VWA8: variants seen among roughly 807,000 people sequenced by gnomAD.
VWA8 encodes the protein von Willebrand factor A domain-containing protein 8.
VWA8 carries 221 observed loss-of-function variants against 241.5 expected under a neutral mutation model. That is an observed-to-expected ratio of 0.91 (90% CI 0.82 to 1.02). VWA8 has a LOEUF of 1.02. Ranked by LOEUF, VWA8 falls within the 50% of genes least tolerant of loss-of-function variation. The probability of loss-of-function intolerance (pLI) is 0.00; values close to 1 mark genes in which losing one functional copy is unlikely to be tolerated. For missense variants in VWA8, 2,322 were observed against 2,328.7 expected, an observed-to-expected ratio of 1.00 and a Z score of 0.06; for synonymous variants, 852 against 827.1, an observed-to-expected ratio of 1.03 and a Z score of -0.52.
chr13:41,862,357 G>A (rs1417490883), intron 12 of VWA8, among the ~76,000 whole-genome samples: 1 of 152,110 alleles, frequency 6.6e-6, no homozygotes, highest in Non-Finnish European at 1.5e-5. Flanking sequence ...AGAAAACCTA[G>A]GACATACTGT....
intron 20 of VWA8, among the ~76,000 whole-genome samples, chr13:41,769,501 A>G (rs2045803646): frequency 1.3e-5 from 2 of 152,212 alleles, no homozygotes; most frequent in African/African-American, 4.8e-5. Context: ...AATATATAAA[A>G]AATTTCCCAT....
intron 12 of VWA8, among the ~76,000 whole-genome samples, chr13:41,863,544 A>G (rs1237272797): frequency 1.3e-5 from 2 of 150,898 alleles, no homozygotes; most frequent in Admixed American, 1.3e-4. Context: ...CAAACACTAC[A>G]CACAACAGCA....
At position 41,721,519 on chromosome 13, in the gene VWA8, T is replaced by A. The variant is rs1450467793; in HGVS notation, c.2815A>T (p.Met939Leu). 5 of 1,613,814 alleles carry A rather than the reference T, an allele frequency of 3.1e-6. No homozygotes were observed. Among genetic ancestry groups the A allele is most frequent in the Non-Finnish European group, 3.4e-6 (4 of 1,179,814 alleles). The change falls in exon 25 of 45, where the codon ATG becomes TTG. Residue 939 changes from methionine (M) to leucine (L), a missense_variant. By Grantham distance (15) the Met-to-Leu change is conservative. Transcript: ENST00000379310. ...ACATTTGGTCCATACTGTCTGAGCA[T>A]CTCGAGCTCCGAGTGGGGTTTGGGG... ...DNPKPHSELE[M>L]LRQYGPNVPE...
chr13:41,906,851 T>C (rs1875744711), intron 4 of VWA8, among the ~76,000 whole-genome samples: 1 of 152,198 alleles, frequency 6.6e-6, no homozygotes, highest in African/African-American at 2.4e-5. Context: ...TCATTAATAC[T>C]GGACATTAGC....
At chr13:41,784,432 G>A (rs1869042282) in intron 18 of VWA8, among the ~76,000 whole-genome samples, 1 of 151,804 alleles carries the variant, frequency 6.6e-6, no homozygotes, top group Admixed American at 6.6e-5. Context: ...GGAGGCCAAG[G>A]CAGAAGGATC....
chr13:41,882,148 C>T (rs1440118536), intron 9 of VWA8, among the ~76,000 whole-genome samples: 5 of 149,986 alleles, frequency 3.3e-5, no homozygotes, highest in Non-Finnish European at 7.4e-5. Flanking sequence ...GGTGGAGGTG[C>T]TCCTCACATC....
chr13:41,747,154 TG>T lies in VWA8; in HGVS notation c.2426+13973del, dbSNP rs1224910955. ...GTGAAGAAAGTCATTGGTAGCTTGA[TG>T]GGGATGACATTGGATCTATAAATTA... On this transcript the variant is annotated intron_variant, in intron 21 of 44. Transcript: ENST00000379310. Among the ~76,000 whole-genome samples, 3 of 152,338 alleles carry T rather than the reference TG, an allele frequency of 2.0e-5. No individual in the cohort carries two copies. The South Asian group carries it at 6.2e-4, about 32-fold the overall frequency.
In VWA8 at chr13:41,767,366, G is replaced by A. The variant is rs534172683; in HGVS notation, c.2350-6162C>T. Among the ~76,000 whole-genome samples, 3 of 152,192 alleles carry A rather than the reference G, an allele frequency of 2.0e-5. No homozygotes were observed. The East Asian group carries it at 5.8e-4, about 29-fold the overall frequency. Reference sequence around the variant, plus strand: ...ATACACTATACTATCCCTCTCAGGTGGGAATTTTTACCACCATCTGAGCTT... The same window carrying A: ...ATACACTATACTATCCCTCTCAGGTAGGAATTTTTACCACCATCTGAGCTT... On this transcript the variant is annotated intron_variant, in intron 20 of 44. Transcript: ENST00000379310.
intron 37 of VWA8, among the ~76,000 whole-genome samples, chr13:41,617,099 A>C (rs1414867508): frequency 6.6e-6 from 1 of 152,140 alleles, no homozygotes; most frequent in African/African-American, 2.4e-5. Flanking sequence ...ACAGAATGGA[A>C]CTTACATATG....
chr13:41,921,472 C>T (rs1783452471), intron 2 of VWA8, among the ~76,000 whole-genome samples: 1 of 152,046 alleles, frequency 6.6e-6, no homozygotes. Flanking sequence ...TAAGGGTATT[C>T]GATTAGGAAA....
chr13:41,868,365 T>C lies in VWA8; in HGVS notation c.1193A>G (p.Asp398Gly), dbSNP rs773104582. Reference sequence around the variant, plus strand: ...AATTACCTTAATGGTCACCTCTTTATCTGCAATCCGGATGGTCACAGAAGC... The same window carrying C: ...AATTACCTTAATGGTCACCTCTTTACCTGCAATCCGGATGGTCACAGAAGC... ...SQASVTIRIA[D>G]KEVTIKVPAG... Residue 398 changes from aspartate (D) to glycine (G), a missense_variant, in exon 10 of 45, where the codon GAT (aspartate) becomes GGT (glycine). Transcript: ENST00000379310. 6.2e-7 allele frequency: 1 copy of C among 1,614,102 alleles called. No individual in the cohort carries two copies. Among genetic ancestry groups the C allele is most frequent in the East Asian group, 2.2e-5 (1 of 44,870 alleles).
intron 3 of VWA8, among the ~76,000 whole-genome samples, chr13:41,910,583 C>CA (rs1160848977): frequency 2.8e-4 from 36 of 130,662 alleles, no homozygotes; most frequent in East Asian, 1.4e-3. Context: ...GACTCCATCT[C>CA]AAAAAAAACA....
At chr13:41,674,979 A>C (rs2045050211) in intron 36 of VWA8, among the ~76,000 whole-genome samples, 1 of 152,202 alleles carries the variant, frequency 6.6e-6, no homozygotes, top group African/African-American at 2.4e-5. Context: ...GAGAACAAAG[A>C]CTTGCAGGCT....
chr13:41,726,496 T>C (rs532752724), intron 24 of VWA8, among the ~76,000 whole-genome samples: 2 of 152,214 alleles, frequency 1.3e-5, no homozygotes, highest in Admixed American at 1.3e-4. Context: ...TCAATGTGAA[T>C]CAGTCTCCTC....
intron 15 of VWA8, 60 bp from the exon 16 acceptor site, chr13:41,816,835 A>G (rs1870719786): frequency 1.6e-6 from 2 of 1,281,020 alleles, no homozygotes; most frequent in African/African-American, 1.5e-5. Flanking sequence ...CTGATCAATC[A>G]ATCAGAAATT....
At chr13:41,843,163 T>C (rs988159408) in intron 12 of VWA8, among the ~76,000 whole-genome samples, 1 of 152,102 alleles carries the variant, frequency 6.6e-6, no homozygotes, top group African/African-American at 2.4e-5. Context: ...GACAACTAAG[T>C]ACATTAAGAA....
At chr13:41,881,371 CCGGGGGGGGGGGGGGG>C (rs1289410453) in intron 9 of VWA8, among the ~76,000 whole-genome samples, 3 of 10,984 alleles carry the variant, frequency 2.7e-4, no homozygotes, top group Admixed American at 1.7e-3. Flanking sequence ...TTTTTTTTTG[CCGGGGGGGGGGGGGGG>C]GGGGTAAGGT....
chr13:41,871,484 T>C (rs1173054308), intron 9 of VWA8, among the ~76,000 whole-genome samples: 1 of 151,854 alleles, frequency 6.6e-6, no homozygotes. Flanking sequence ...GTCCCCAGAG[T>C]GTGATGTTCC....
At chr13:41,954,631 T>C (rs1191846647) in intron 1 of VWA8, among the ~76,000 whole-genome samples, 2 of 152,196 alleles carry the variant, frequency 1.3e-5, no homozygotes, top group East Asian at 1.9e-4. Flanking sequence ...TTCAAGGAGA[T>C]AAGAGACATT....
Sources: gnomAD v4.1 joint callset for allele counts (sites outside exome capture counted in the v4.1 genomes callset) on GRCh38, gnomAD v4.1.1 for gene constraint, MANE v1.5 for transcripts, NCBI Gene and HGNC (gene_info 2026-07-23, HGNC 2026-07-21) for gene names.